Variants in LPIN2 observed in about 807,000 individuals in gnomAD.
LPIN2 encodes the protein lipin 2, also known as phosphatidate phosphatase LPIN2.
Under a neutral mutation model 111.4 loss-of-function variants are expected in LPIN2, and 55 were observed. The observed-to-expected ratio is 0.49, with a 90% confidence interval of 0.40 to 0.62. The LOEUF (loss-of-function observed/expected upper bound fraction) is 0.62. Ranked by LOEUF, LPIN2 falls within the 20% of genes least tolerant of loss-of-function variation. The pLI is 0.00. For synonymous variants in LPIN2, 425 were observed against 414.0 expected, an observed-to-expected ratio of 1.03 and a Z score of -0.32; for missense variants, 992 against 1,112.1, an observed-to-expected ratio of 0.89 and a Z score of 1.54.
chr18:2,927,876 C>T, intron 11 of LPIN2, 65 bp from the exon 12 acceptor site: 1 of 1,339,924 alleles, frequency 7.5e-7, no homozygotes, highest in Non-Finnish European at 1.1e-6. Context: ...ACCTTCTATG[C>T]TAGCCTGAAG....
At chr18:2,956,558 G>A (rs1343919418) in intron 2 of LPIN2, among the ~76,000 whole-genome samples, 1 of 152,168 alleles carries the variant, frequency 6.6e-6, no homozygotes, top group African/African-American at 2.4e-5. Flanking sequence ...AGGAAGGAAG[G>A]GTTCAAAAAC....
chr18:2,958,141 CAAAAAAAAAAAAAAAACAACAAAAAA>C, intron 2 of LPIN2, among the ~76,000 whole-genome samples: 1 of 11,946 alleles, frequency 8.4e-5, no homozygotes, highest in Non-Finnish European at 2.0e-4. Context: ...GACTCCATCT[CAAAAAAAAAAAAAAAACAACAAAAAA>C]AAAAAACAGA....
chr18:2,989,051 C>T (rs559435921), intron 1 of LPIN2, among the ~76,000 whole-genome samples: 2 of 152,218 alleles, frequency 1.3e-5, no homozygotes, highest in South Asian at 4.1e-4. Context: ...TTACTCTAAG[C>T]CATACCCTGG....
rs564871378 is a variant in LPIN2, at chr18:2,930,554, A to G, written c.1456+702T>C. Among the ~76,000 whole-genome samples the G allele has an allele frequency of 2.6e-5, 4 of 152,334 alleles. No individual in the cohort carries two copies. In the South Asian group the frequency reaches 8.3e-4, roughly 32 times the overall value. On this transcript the variant is annotated intron_variant, in intron 9 of 19. Transcript: ENST00000677752. ...AGGGAGAGGGAAGACAAAAGATGAC[A>G]CTAGTCACGGAAAGAAAATTTTCCC...
At chr18:2,976,362 G>T (rs2143332517) in intron 1 of LPIN2, among the ~76,000 whole-genome samples, 1 of 152,248 alleles carries the variant, frequency 6.6e-6, no homozygotes, top group East Asian at 1.9e-4. Context: ...GCACATGCAG[G>T]CCCAAAGTTC....
At chr18:2,965,731 CAAA>C (rs35530040) in intron 1 of LPIN2, among the ~76,000 whole-genome samples, 4 of 103,264 alleles carry the variant, frequency 3.9e-5, no homozygotes, top group African/African-American at 1.2e-4. Context: ...CTCCCAATCT[CAAA>C]AAAAAAAAAA....
At chr18:2,942,041 A>G (rs999288654) in intron 4 of LPIN2, among the ~76,000 whole-genome samples, 2 of 152,254 alleles carry the variant, frequency 1.3e-5, no homozygotes, top group Non-Finnish European at 2.9e-5. Flanking sequence ...GAATATCCAC[A>G]TCACTTAGTT....
intron 15 of LPIN2, 83 bp from the exon 16 acceptor site, chr18:2,923,944 A>T: frequency 8.4e-6 from 9 of 1,073,096 alleles, no homozygotes; most frequent in Non-Finnish European, 1.3e-5. Flanking sequence ...ATCAGCTGCC[A>T]ATAACTAATT....
intron 16 of LPIN2, among the ~76,000 whole-genome samples, chr18:2,922,929 CAT>C (rs978659501): frequency 1.2e-4 from 18 of 152,152 alleles, no homozygotes; most frequent in African/African-American, 4.1e-4. Context: ...AGGTAACTGA[CAT>C]ATTCGTAATT....
intron 1 of LPIN2, among the ~76,000 whole-genome samples, chr18:3,009,773 T>C (rs1439289740): frequency 6.6e-6 from 1 of 152,172 alleles, no homozygotes; most frequent in African/African-American, 2.4e-5. Context: ...AATTTTAACA[T>C]AAACTGACAA....
In LPIN2 at chr18:2,967,212, A is replaced by G. The variant is rs147665664; in HGVS notation, c.-9-6363T>C. On this transcript the variant is annotated intron_variant, in intron 1 of 19. Transcript: ENST00000677752. The stretch of plus-strand genomic sequence containing the variant: ...TTCACTAGAACCCAGTTCTACCTAT[A>G]CTCAGGGTCCCAACTTTCTCCACTA... Among the ~76,000 whole-genome samples the G allele has an allele frequency of 3.1e-3, 465 of 152,126 alleles. 1 individual carries two copies. Among genetic ancestry groups the G allele is most frequent in the African/African-American group, 0.011 (436 of 41,478 alleles).
intron 1 of LPIN2, among the ~76,000 whole-genome samples, chr18:2,993,582 G>A (rs1196682928): frequency 6.8e-6 from 1 of 146,278 alleles, no homozygotes; most frequent in Non-Finnish European, 1.5e-5. Flanking sequence ...CACGAGCTTG[G>A]TGATTCCACA....
At chr18:2,969,887 TGGGCTCAA>T (rs1160608390) in intron 1 of LPIN2, among the ~76,000 whole-genome samples, 1 of 152,240 alleles carries the variant, frequency 6.6e-6, no homozygotes, top group East Asian at 1.9e-4. Context: ...TAAGTTGTTA[TGGGCTCAA>T]GTTCACATCC....
intron 1 of LPIN2, among the ~76,000 whole-genome samples, chr18:2,987,515 T>C (rs532898038): frequency 1.2e-4 from 19 of 152,302 alleles, no homozygotes; most frequent in African/African-American, 4.3e-4. Flanking sequence ...ACTTATTTTT[T>C]TCCACGTGGA....
intron 1 of LPIN2, among the ~76,000 whole-genome samples, chr18:2,968,349 T>C (rs766132712): frequency 6.6e-6 from 1 of 152,222 alleles, no homozygotes; most frequent in Non-Finnish European, 1.5e-5. Flanking sequence ...ATGCCCATTA[T>C]ACTGGCCTGT....
chr18:2,978,416 G>A (rs534414803), intron 1 of LPIN2, among the ~76,000 whole-genome samples: 29 of 152,090 alleles, frequency 1.9e-4, no homozygotes, highest in Non-Finnish European at 3.7e-4. Flanking sequence ...GACTTTTGAG[G>A]TATTTTGACC....
intron 1 of LPIN2, among the ~76,000 whole-genome samples, chr18:2,975,479 C>T (rs187717445): frequency 2.2e-4 from 34 of 152,226 alleles, no homozygotes; most frequent in South Asian, 4.1e-4. Flanking sequence ...GGACTACAGG[C>T]GCGTGCCACC....
At chr18:3,007,450 CG>C (rs2078533150) in intron 1 of LPIN2, among the ~76,000 whole-genome samples, 1 of 152,194 alleles carries the variant, frequency 6.6e-6, no homozygotes, top group Non-Finnish European at 1.5e-5. Context: ...GGATTACAGG[CG>C]TAAGCCACCA....
rs558406967 is a variant in LPIN2 at position 2,965,507 on chromosome 18, T to A, written c.-9-4658A>T. Among the ~76,000 whole-genome samples, 6 of 152,218 alleles carry A rather than the reference T, an allele frequency of 3.9e-5. No homozygotes were observed. The South Asian group carries it at 6.2e-4, about 16-fold the overall frequency. ...ACTTTGGGAGGCCGAGGCAGGTAGATCACTTGAGGTCAGGAGTTCAAGACC... is the reference window on the plus strand; with the variant it reads ...ACTTTGGGAGGCCGAGGCAGGTAGAACACTTGAGGTCAGGAGTTCAAGACC... On this transcript the variant is annotated intron_variant, in intron 1 of 19. Transcript: ENST00000677752.
Sources: gnomAD v4.1 joint callset for allele counts (sites outside exome capture counted in the v4.1 genomes callset) on GRCh38, gnomAD v4.1.1 for gene constraint, MANE v1.5 for transcripts, NCBI Gene and HGNC (gene_info 2026-07-23, HGNC 2026-07-21) for gene names.